Variants in ST6GAL2 observed in about 807,000 individuals in gnomAD.
ST6GAL2 encodes beta-galactoside alpha-2,6-sialyltransferase 2.
A neutral mutation model predicts 37.5 loss-of-function variants in ST6GAL2; 24 were observed. The ratio of observed to expected loss-of-function variants is 0.64; its 90% CI spans 0.46 to 0.90. The LOEUF (loss-of-function observed/expected upper bound fraction) is 0.90. Among genes scored for constraint, ST6GAL2 ranks in the 40% least tolerant of loss-of-function variants. The pLI, the probability that ST6GAL2 is intolerant of heterozygous loss-of-function variation, is 0.00. For synonymous variants in ST6GAL2, 306 were observed against 295.1 expected, an observed-to-expected ratio of 1.04 and a Z score of -0.38; for missense variants, 715 against 712.7, an observed-to-expected ratio of 1.00 and a Z score of -0.04.
intron 1 of ST6GAL2, among the ~76,000 whole-genome samples, chr2:106,872,650 C>T (rs1049772100): frequency 1.4e-5 from 2 of 147,140 alleles, no homozygotes; most frequent in African/African-American, 2.5e-5. Flanking sequence ...GCTCTCGTCA[C>T]CCAGGGTGGA....
At chr2:106,851,666 CTTTCT>C (rs1336210621) in intron 1 of ST6GAL2, among the ~76,000 whole-genome samples, 51 of 101,326 alleles carry the variant, frequency 5.0e-4, no homozygotes, top group Non-Finnish European at 8.1e-4. Context: ...GAGTGTTTTT[CTTTCT>C]TTTTTTTTTT....
chr2:106,841,123 A>G (rs963466030), intron 2 of ST6GAL2: 10 of 152,186 alleles, frequency 6.6e-5, no homozygotes, highest in Non-Finnish European at 1.2e-4. Context: ...CCTTGATTCC[A>G]GACTCACTGT....
chr2:106,852,990 C>G (rs1361275987), intron 1 of ST6GAL2, among the ~76,000 whole-genome samples: 1 of 152,162 alleles, frequency 6.6e-6, no homozygotes, highest in Non-Finnish European at 1.5e-5. Flanking sequence ...ATGAAAGCTC[C>G]GAGTGGTTCC....
chr2:106,835,992 A>T (rs1676619617), intron 2 of ST6GAL2, among the ~76,000 whole-genome samples: 1 of 152,248 alleles, frequency 6.6e-6, no homozygotes, highest in Admixed American at 6.5e-5. Context: ...CCAAAACAGT[A>T]GACTCTTGAA....
chr2:106,857,634 C>A (rs1346994811), intron 1 of ST6GAL2, among the ~76,000 whole-genome samples: 8 of 152,062 alleles, frequency 5.3e-5, no homozygotes, highest in South Asian at 2.1e-4. Context: ...CCAAAAAAAA[C>A]CACACACATA....
chr2:106,863,484 G>A (rs2104588728), intron 1 of ST6GAL2, among the ~76,000 whole-genome samples: 1 of 152,102 alleles, frequency 6.6e-6, no homozygotes, highest in South Asian at 2.1e-4. Flanking sequence ...TATTTTGGGG[G>A]AGCACAGGTG....
intron 5 of ST6GAL2, among the ~76,000 whole-genome samples, chr2:106,827,229 T>TA (rs1291235902): frequency 6.6e-6 from 1 of 152,202 alleles, no homozygotes. Context: ...TTAAAATTCT[T>TA]ACAGCAGACA....
chr2:106,879,634 A>G (rs1052658135), intron 1 of ST6GAL2, among the ~76,000 whole-genome samples: 3 of 150,340 alleles, frequency 2.0e-5, no homozygotes, highest in East Asian at 1.9e-4. Context: ...TATATCTATT[A>G]TAGACCAATT....
chr2:106,848,929 T>C (rs1178429943), intron 1 of ST6GAL2, among the ~76,000 whole-genome samples: 1 of 152,190 alleles, frequency 6.6e-6, no homozygotes, highest in African/African-American at 2.4e-5. Flanking sequence ...CATGGAATAA[T>C]AAAGTATTCT....
intron 1 of ST6GAL2, among the ~76,000 whole-genome samples, chr2:106,877,630 G>T (rs900513801): frequency 6.6e-6 from 1 of 152,180 alleles, no homozygotes; most frequent in Non-Finnish European, 1.5e-5. Flanking sequence ...ATGCCAAGAG[G>T]CTTAACCACA....
chr2:106,852,433 G>A (rs1165792263), intron 1 of ST6GAL2, among the ~76,000 whole-genome samples: 3 of 152,282 alleles, frequency 2.0e-5, no homozygotes, highest in South Asian at 2.1e-4. Context: ...AAACACTGGC[G>A]GCTGGGCTTC....
rs575076449 is a variant in ST6GAL2 at position 106,838,395 on chromosome 2, T to G, written c.944-4249A>C. On this transcript the variant is annotated intron_variant, in intron 2 of 5. Coordinates refer to ENST00000409382, the MANE Select transcript of ST6GAL2 (RefSeq NM_001142351.2). ...AATTCAAACAGCAGGAGAGCAAGCC[T>G]CCAGTCACTAGAGAATGGCCTGCCT... Among the ~76,000 whole-genome samples the G allele has an allele frequency of 7.2e-5, 11 of 152,266 alleles. No individual in the cohort carries two copies. In the South Asian group the frequency reaches 2.1e-3, roughly 29 times the overall value.
chr2:106,847,277 C>T lies in ST6GAL2; in HGVS notation c.-57-3243G>A, dbSNP rs922139689. On this transcript the variant is annotated intron_variant, in intron 1 of 5. Coordinates refer to ENST00000409382, the MANE Select transcript of ST6GAL2 (RefSeq NM_001142351.2). Reference sequence around the variant, plus strand: ...AGTTGTGGATGTGCATTAGTCTGGGCCCACACTTTGAGTAGCACCTTCCAC... The same window carrying T: ...AGTTGTGGATGTGCATTAGTCTGGGTCCACACTTTGAGTAGCACCTTCCAC... 2.6e-5 allele frequency among the ~76,000 whole-genome samples: 4 copies of T among 152,224 alleles called. No homozygotes were observed. In the East Asian group the frequency reaches 7.7e-4, roughly 29 times the overall value.
chr2:106,868,771 G>C (rs1362845276), intron 1 of ST6GAL2, among the ~76,000 whole-genome samples: 1 of 152,140 alleles, frequency 6.6e-6, no homozygotes, highest in Admixed American at 6.5e-5. Flanking sequence ...CAACATCATA[G>C]GTCAACTTGC....
intron 1 of ST6GAL2, among the ~76,000 whole-genome samples, chr2:106,858,212 C>T (rs1035988634): frequency 6.6e-6 from 1 of 152,182 alleles, no homozygotes; most frequent in Non-Finnish European, 1.5e-5. Flanking sequence ...GTTTTTTACT[C>T]ACTTTACTCA....
chr2:106,843,367 A>T lies in ST6GAL2; in HGVS notation c.611T>A (p.Leu204Gln), dbSNP rs1242916612. The T allele has an allele frequency of 6.2e-7, 1 of 1,614,128 alleles. No individual in the cohort carries two copies. Among genetic ancestry groups the T allele is most frequent in the Non-Finnish European group, 8.5e-7 (1 of 1,180,012 alleles). Residue 204 changes from leucine (L) to glutamine (Q), a missense_variant, in exon 2 of 6, where the codon CTG (leucine) becomes CAG (glutamine). By Grantham distance (113) the Leu-to-Gln change is moderately radical. Transcript: ENST00000409382. ...RLYSSMSRAF[L>Q]YRLWKGNVSS... is the part of the protein sequence containing the mutation. Reference sequence around the variant, plus strand: ...GACGTTCCCCTTCCAGAGCCGGTACAGGAAGGCCCTGGACATGGAGGAGTA... The same window carrying T: ...GACGTTCCCCTTCCAGAGCCGGTACTGGAAGGCCCTGGACATGGAGGAGTA...
At chr2:106,884,412 T>C (rs1678874506) in intron 1 of ST6GAL2, among the ~76,000 whole-genome samples, 1 of 152,186 alleles carries the variant, frequency 6.6e-6, no homozygotes, top group Admixed American at 6.5e-5. Context: ...GCTTCCTAGA[T>C]CCTGTGCACC....
chr2:106,851,905 A>T (rs183909401), intron 1 of ST6GAL2, among the ~76,000 whole-genome samples: 2 of 152,188 alleles, frequency 1.3e-5, no homozygotes, highest in Admixed American at 1.3e-4. Context: ...TTTTCTTTCG[A>T]GAATCATTTT....
At chr2:106,859,470 CTTAA>C (rs1372590414) in intron 1 of ST6GAL2, among the ~76,000 whole-genome samples, 1 of 152,192 alleles carries the variant, frequency 6.6e-6, no homozygotes, top group Non-Finnish European at 1.5e-5. Context: ...GAATCTCAAA[CTTAA>C]TGTCCAAACA....
Sources: allele counts gnomAD v4.1 joint callset (sites outside exome capture counted in the v4.1 genomes callset), GRCh38; gene constraint gnomAD v4.1.1; transcripts MANE v1.5; gene names NCBI Gene and HGNC (gene_info 2026-07-23, HGNC 2026-07-21).